FGF7: variants seen among roughly 807,000 people sequenced by gnomAD.
FGF7 encodes fibroblast growth factor 7, also known as FGF-7.
Under a neutral mutation model 20.5 loss-of-function variants are expected in FGF7, and 6 were observed. The ratio of observed to expected loss-of-function variants is 0.29; its 90% confidence interval spans 0.16 to 0.58. The LOEUF (loss-of-function observed/expected upper bound fraction) is 0.58, where lower values mean the gene tolerates loss of function less well. Among genes scored for constraint, FGF7 ranks in the 20% least tolerant of loss-of-function variants. FGF7 has a pLI of 0.90. For missense variants in FGF7, 144 were observed against 228.8 expected (o/e 0.63, Z 2.39); for synonymous variants, 64 against 74.7 (o/e 0.86, Z 0.74).
chr15:49,424,310 A>T lies in FGF7; in HGVS notation c.13A>T (p.Ile5Leu). 1 of 1,613,396 alleles carries T rather than the reference A, an allele frequency of 6.2e-7. No homozygotes were observed. The highest frequency in any genetic ancestry group is 8.5e-7 in the Non-Finnish European group (1 of 1,179,514). Residue 5 changes from isoleucine (I) to leucine (L), a missense_variant, in exon 2 of 4, where the codon ATA becomes TTA. By Grantham distance (5) the Ile-to-Leu change is conservative (BLOSUM62 2). This residue lies in a region of FGF7 where 88 missense variants were observed against 103.4 expected (regional missense o/e 0.85). Transcript: ENST00000267843. ...GCACTACACTATAATGCACAAATGG[A>T]TACTGACATGGATCCTGCCAACTTT... MHKW[I>L]LTWILPTLLY... is the part of the protein sequence containing the mutation.
chr15:49,425,208 T>G (rs1263564166), intron 2 of FGF7: 1 of 152,008 alleles, frequency 6.6e-6, no homozygotes, highest in Non-Finnish European at 1.5e-5. Flanking sequence ...TTTCCTTAAC[T>G]AAATCTTTTA....
At chr15:49,448,372 T>G (rs748663646) in intron 2 of FGF7, among the ~76,000 whole-genome samples, 1 of 151,664 alleles carries the variant, frequency 6.6e-6, no homozygotes, top group Non-Finnish European at 1.5e-5. Context: ...TTTTAATTCC[T>G]TTTCTCCATT....
chr15:49,449,995 C>T (rs1191985107), intron 2 of FGF7, among the ~76,000 whole-genome samples: 9 of 152,122 alleles, frequency 5.9e-5, no homozygotes, highest in Admixed American at 1.3e-4. Context: ...GACTGTGATG[C>T]GCCATTCATA....
At chr15:49,431,711 AAG>A (rs1330183995) in intron 2 of FGF7, among the ~76,000 whole-genome samples, 2 of 151,752 alleles carry the variant, frequency 1.3e-5, no homozygotes, top group Non-Finnish European at 2.9e-5. Flanking sequence ...CAGGAGGAAA[AAG>A]AGCAAAAGAG....
At chr15:49,469,104 T>C (rs920024763) in intron 2 of FGF7, among the ~76,000 whole-genome samples, 1 of 152,174 alleles carries the variant, frequency 6.6e-6, no homozygotes, top group Non-Finnish European at 1.5e-5. Context: ...AGAAAATAAA[T>C]GACTCATAAA....
intron 2 of FGF7, among the ~76,000 whole-genome samples, chr15:49,475,224 T>C (rs1470036328): frequency 1.3e-5 from 2 of 152,098 alleles, no homozygotes; most frequent in African/African-American, 4.8e-5. Context: ...TAAAATAAAG[T>C]GTTACTGAAA....
intron 2 of FGF7, among the ~76,000 whole-genome samples, chr15:49,472,595 T>G (rs2054875838): frequency 6.6e-6 from 1 of 152,148 alleles, no homozygotes; most frequent in Admixed American, 6.6e-5. Flanking sequence ...TGGGAACAAT[T>G]AAAAGTCTTT....
chr15:49,482,394 A>G (rs1446935243), intron 2 of FGF7, among the ~76,000 whole-genome samples: 2 of 152,100 alleles, frequency 1.3e-5, no homozygotes, highest in African/African-American at 4.8e-5. Flanking sequence ...AAAGTTATGA[A>G]GTATTATATA....
chr15:49,474,374 A>G (rs145158248), intron 2 of FGF7, among the ~76,000 whole-genome samples: 15 of 152,316 alleles, frequency 9.8e-5, no homozygotes, highest in Admixed American at 7.8e-4. Context: ...TTTATTCTGC[A>G]TAGCTTCAGA....
At chr15:49,482,035 C>A (rs1459837796) in intron 2 of FGF7, among the ~76,000 whole-genome samples, 3 of 152,026 alleles carry the variant, frequency 2.0e-5, no homozygotes, top group Non-Finnish European at 2.9e-5. Flanking sequence ...TTAGTTTTTT[C>A]TTTAAGTCAA....
At chr15:49,467,973 C>A (rs911066271) in intron 2 of FGF7, among the ~76,000 whole-genome samples, 26 of 152,158 alleles carry the variant, frequency 1.7e-4, no homozygotes, top group Non-Finnish European at 3.1e-4. Context: ...GTATATTGCA[C>A]AACCGAATAG....
intron 1 of FGF7, 96 bp downstream of exon 1, chr15:49,423,536 T>C (rs2049869181): frequency 6.6e-6 from 1 of 152,050 alleles, no homozygotes; most frequent in Admixed American, 6.6e-5. Flanking sequence ...AAAGTAAAGT[T>C]ACAAGATTTT....
chr15:49,464,319 A>G (rs773587443), intron 2 of FGF7, among the ~76,000 whole-genome samples: 9 of 152,092 alleles, frequency 5.9e-5, no homozygotes, highest in Non-Finnish European at 8.8e-5. Flanking sequence ...CTTAAAAGAG[A>G]AACAGAAAAG....
intron 2 of FGF7, among the ~76,000 whole-genome samples, chr15:49,427,614 A>G (rs942454556): frequency 2.6e-5 from 4 of 152,030 alleles, no homozygotes; most frequent in Non-Finnish European, 5.9e-5. Flanking sequence ...TTACCAAAAG[A>G]AAGTCCCCAA....
chr15:49,439,746 C>T (rs2051457914), intron 2 of FGF7, among the ~76,000 whole-genome samples: 1 of 151,630 alleles, frequency 6.6e-6, no homozygotes, highest in Non-Finnish European at 1.5e-5. Flanking sequence ...GGGAGGAAAC[C>T]TTATACCATG....
chr15:49,438,915 G>A (rs1276052440), intron 2 of FGF7, among the ~76,000 whole-genome samples: 1 of 151,328 alleles, frequency 6.6e-6, no homozygotes, highest in Non-Finnish European at 1.5e-5. Context: ...GAGAGAGAGA[G>A]AAAATTAGTT....
intron 2 of FGF7, among the ~76,000 whole-genome samples, chr15:49,476,684 A>G (rs911589329): frequency 6.6e-6 from 1 of 152,198 alleles, no homozygotes; most frequent in Non-Finnish European, 1.5e-5. Context: ...TCTACACTCA[A>G]TGATATTATA....
intron 2 of FGF7, among the ~76,000 whole-genome samples, chr15:49,478,736 T>C (rs576764825): frequency 1.5e-3 from 221 of 152,216 alleles, no homozygotes; most frequent in African/African-American, 5.2e-3. Flanking sequence ...CTTCAAAACT[T>C]TAAATATAAA....
chr15:49,446,210 G>C (rs1163716366), intron 2 of FGF7, among the ~76,000 whole-genome samples: 1 of 151,466 alleles, frequency 6.6e-6, no homozygotes, highest in Non-Finnish European at 1.5e-5. Flanking sequence ...TTCTTTTTAA[G>C]TTAAGAGCCA....
Sources: gnomAD v4.1 joint callset for allele counts (sites outside exome capture counted in the v4.1 genomes callset) on GRCh38, gnomAD v4.1.1 for gene constraint, gnomAD v4.1.1 regional missense constraint, MANE v1.5 for transcripts, NCBI Gene and HGNC (gene_info 2026-07-23, HGNC 2026-07-21) for gene names.